GCN1: variants seen among roughly 807,000 people sequenced by gnomAD.
GCN1 encodes the protein stalled ribosome sensor GCN1.
A neutral mutation model predicts 288.4 loss-of-function variants in GCN1; 90 were observed. The ratio of observed to expected loss-of-function variants is 0.31; its 90% confidence interval spans 0.26 to 0.37. GCN1 has a LOEUF of 0.37. Ranked by LOEUF, GCN1 falls within the 10% of genes least tolerant of loss-of-function variation. The pLI is 1.00. For synonymous variants in GCN1, 1,386 were observed against 1,420.2 expected (o/e 0.98, Z 0.54); for missense variants, 2,586 against 3,419.9 (o/e 0.76, Z 6.08).
intron 15 of GCN1, 102 bp from the exon 16 acceptor site, chr12:120,168,402 C>T: frequency 1.3e-6 from 1 of 760,898 alleles, no homozygotes; most frequent in East Asian, 2.5e-5. Flanking sequence ...CTGACAAACC[C>T]TCCTCTGCAG....
In GCN1 at chr12:120,134,792, G is replaced by A; in HGVS notation, c.7009-66C>T. On this transcript the variant is annotated intron_variant, in intron 51 of 57. Coordinates refer to ENST00000300648, the MANE Select transcript of GCN1 (RefSeq NM_006836.2). The surrounding 1 kb of genome is among the most constrained non-coding windows in gnomAD (Gnocchi z 5.0). ...GACCCAAAGCCACAGTGTACCACAG[G>A]CATGAGAACAAATGACAATCCCAAA... is the stretch of plus-strand genomic sequence containing the variant. 7.4e-7 allele frequency: 1 copy of A among 1,356,100 alleles called. No homozygotes were observed. The highest frequency in any genetic ancestry group is 1.0e-6 in the Non-Finnish European group (1 of 953,004). 84.0% of individuals were successfully genotyped at this position (1,356,100 alleles called of 1,614,324 possible).
chr12:120,177,750 G>T lies in GCN1; in HGVS notation c.663C>A (p.Ser221Arg). 6.2e-7 allele frequency: 1 copy of T among 1,608,352 alleles called. No homozygotes were observed. Among genetic ancestry groups the T allele is most frequent in the South Asian group, 1.1e-5 (1 of 90,958 alleles). The part of the protein sequence containing the change: ...KEMDVVSQHK[S>R]ALLDFYMKNI... Reference sequence around the variant, plus strand: ...TCTTCATGTAAAAGTCCAGTAGGGCGCTCTAGAGAACACAAAGCTCTGGTT... The same window carrying T: ...TCTTCATGTAAAAGTCCAGTAGGGCTCTCTAGAGAACACAAAGCTCTGGTT... The change falls in exon 8 of 58, where the codon AGC becomes AGA. Residue 221 changes from serine to arginine, a missense_variant and splice_region_variant. Transcript: ENST00000300648.
At chr12:120,182,271 G>C (rs1293128020) in intron 5 of GCN1, among the ~76,000 whole-genome samples, 2 of 152,068 alleles carry the variant, frequency 1.3e-5, no homozygotes, top group Non-Finnish European at 2.9e-5. Context: ...GCAAATCCAA[G>C]AGAGTCCCAG....
chr12:120,175,340 G>C (rs1014748325), intron 11 of GCN1, 128 bp from the exon 12 acceptor site: 2 of 910,622 alleles, frequency 2.2e-6, no homozygotes, highest in African/African-American at 3.3e-5. Flanking sequence ...GTGTTGTGAA[G>C]CTGGGTTTAA....
intron 15 of GCN1, among the ~76,000 whole-genome samples, chr12:120,169,724 G>A (rs1055647885): frequency 6.6e-6 from 1 of 152,142 alleles, no homozygotes; most frequent in Non-Finnish European, 1.5e-5. Flanking sequence ...GAATGGTCTC[G>A]AAATCTTGAC....
rs775681296 is a variant in GCN1, at chr12:120,164,381, C to A, written c.1803G>T (p.Ala601=). 11 of 1,614,188 alleles carry A rather than the reference C, an allele frequency of 6.8e-6. No individual in the cohort carries two copies. The South Asian group carries it at 7.7e-5, about 11-fold the overall frequency. Residue 601 remains alanine, a synonymous_variant, in exon 18 of 58, where the codon GCG becomes GCT. Transcript: ENST00000300648. The part of the protein sequence containing the change: ...LLSSLGGFKL[A]HGLLEELKTV... The stretch of plus-strand genomic sequence containing the variant: ...TCTTCAGCTCCTCCAAGAGTCCGTG[C>A]GCCAGCTTAAAGCCCCCAAGAGAGG...
At chr12:120,161,333 T>C (rs1252648725) in intron 22 of GCN1, among the ~76,000 whole-genome samples, 157 bp downstream of exon 22, 1 of 152,046 alleles carries the variant, frequency 6.6e-6, no homozygotes, top group Non-Finnish European at 1.5e-5. Flanking sequence ...GAAGGGAAAG[T>C]GTGCCAGTGC....
rs1877285542 is a variant in GCN1, at chr12:120,144,164, C to T, written c.5495+142G>A. On this transcript the variant is annotated intron_variant, in intron 42 of 57. Coordinates refer to ENST00000300648, the MANE Select transcript of GCN1 (RefSeq NM_006836.2). This position sits in a 1 kb window ranked among gnomAD's most constrained non-coding sequence, Gnocchi z 4.7. ...GCTAATTTTTTATTTTTTATAGAGA[C>T]AGGGTCTCACTATGTTGCCAGGGCT... The T allele has an allele frequency of 4.8e-6, 4 of 838,470 alleles. No individual in the cohort carries two copies. The highest frequency in any genetic ancestry group is 7.7e-6 in the Non-Finnish European group (4 of 520,354). The allele number at this position is 838,470 out of a possible 1,614,324, so 51.9% of individuals were successfully genotyped here.
At position 120,161,563 on chromosome 12, in the gene GCN1, T is replaced by A; in HGVS notation, c.2363A>T (p.Lys788Ile). The A allele has an allele frequency of 6.2e-7, 1 of 1,613,760 alleles. No individual in the cohort carries two copies. Among genetic ancestry groups the A allele is most frequent in the Non-Finnish European group, 8.5e-7 (1 of 1,179,632 alleles). Residue 788 changes from lysine (K) to isoleucine (I), a missense_variant, in exon 22 of 58, where the codon AAA becomes ATA. By Grantham distance (102) the Lys-to-Ile change is moderately radical. Around this residue, in one of 8 missense-constraint regions of GCN1, gnomAD observed 913 missense variants for 1,107.0 expected, o/e 0.82. Transcript: ENST00000300648. ...GTTCTCTCGCTTCATGTTGGCCTTT[T>A]TTATGCTGTCCTGCTGGGCACTGAA... Reference protein sequence around the residue: ...IIQSAQQDSIKKANMKRENKA... With the variant: ...IIQSAQQDSIIKANMKRENKA...
rs1359720755 is a variant in GCN1, at chr12:120,142,986, G to A, written c.5496-45C>T. On this transcript the variant is annotated intron_variant, in intron 42 of 57. Coordinates refer to ENST00000300648, the MANE Select transcript of GCN1 (RefSeq NM_006836.2). The surrounding 1 kb of genome is among the most constrained non-coding windows in gnomAD (Gnocchi z 4.9). ...CACAGTCACACAGCTGCAAGGAGTG[G>A]GCTCGGCACAACTGAGCACTGCACA... The A allele has an allele frequency of 8.4e-7, 1 of 1,188,946 alleles. No individual in the cohort carries two copies. Among genetic ancestry groups the A allele is most frequent in the Non-Finnish European group, 1.3e-6 (1 of 792,748 alleles). The allele number at this position is 1,188,946 out of a possible 1,614,324, so 73.6% of individuals were successfully genotyped here.
In GCN1 at chr12:120,155,481, G is replaced by C; in HGVS notation, c.3441-51C>G. On this transcript the variant is annotated intron_variant, in intron 29 of 57. Coordinates refer to ENST00000300648, the MANE Select transcript of GCN1 (RefSeq NM_006836.2). The surrounding 1 kb of genome is among the most constrained non-coding windows in gnomAD (Gnocchi z 4.9). Reference sequence around the variant, plus strand: ...GCTTAGACAAAGATCTGCAGCACTTGCCCTGCCAGCCCAGCCCTTCTTCCC... The same window carrying C: ...GCTTAGACAAAGATCTGCAGCACTTCCCCTGCCAGCCCAGCCCTTCTTCCC... 1 of 1,600,202 alleles carries C rather than the reference G, an allele frequency of 6.2e-7. No homozygotes were observed. The highest frequency in any genetic ancestry group is 8.6e-7 in the Non-Finnish European group (1 of 1,168,934).
At chr12:120,190,505 T>C in intron 1 of GCN1, 105 bp from the exon 2 acceptor site, 1 of 706,212 alleles carries the variant, frequency 1.4e-6, no homozygotes, top group South Asian at 1.6e-5. Flanking sequence ...TAACCTGGGG[T>C]TTCTCAACCT....
chr12:120,143,539 G>A (rs1877264357), intron 42 of GCN1, among the ~76,000 whole-genome samples: 1 of 149,380 alleles, frequency 6.7e-6, no homozygotes, highest in South Asian at 2.1e-4. Flanking sequence ...CCGAGATCAT[G>A]CCACTGCACT....
rs766745731 is a variant in GCN1, at chr12:120,129,262, C to T, written c.7890+14G>A. ...GCTCACAGCACATCCTGGTGAGGCC[C>T]CCCAGGCTCCCACCTGAAACACCTC... On this transcript the variant is annotated intron_variant, in intron 57 of 57. Transcript: ENST00000300648. The T allele has an allele frequency of 1.4e-5, 23 of 1,597,432 alleles. No individual in the cohort carries two copies. Among genetic ancestry groups the T allele is most frequent in the South Asian group, 3.3e-5 (3 of 90,780 alleles).
chr12:120,170,158 T>C lies in GCN1; in HGVS notation c.1519+11A>G, dbSNP rs376517289. On this transcript the variant is annotated intron_variant, in intron 15 of 57. Transcript: ENST00000300648. ...CTGTCTCTACCATCCTAGACACCTC[T>C]GGACTCATACCAGCCTGTGAGTCAG... 2.2e-5 allele frequency: 35 copies of C among 1,612,608 alleles called. No individual in the cohort carries two copies. The African/African-American group carries it at 3.6e-4, about 17-fold the overall frequency.
intron 12 of GCN1, among the ~76,000 whole-genome samples, chr12:120,174,615 C>A (rs767979834): frequency 6.6e-6 from 1 of 150,934 alleles, no homozygotes; most frequent in Non-Finnish European, 1.5e-5. Flanking sequence ...GTGGTGAAAC[C>A]CTGTCTCTAC....
In GCN1 at chr12:120,155,960, C is replaced by T. The variant is rs1459970902; in HGVS notation, c.3313-241G>A. ...AGACAGATAAAAACCTCAGAAAAAG[C>T]GTATTCCTTTTGTTCAAAAAAATTT... is the stretch of plus-strand genomic sequence containing the variant. On this transcript the variant is annotated intron_variant, in intron 28 of 57. Coordinates refer to ENST00000300648, the MANE Select transcript of GCN1 (RefSeq NM_006836.2). This position sits in a 1 kb window ranked among gnomAD's most constrained non-coding sequence, Gnocchi z 4.9. 6.6e-6 allele frequency among the ~76,000 whole-genome samples: 1 copy of T among 152,058 alleles called. No individual in the cohort carries two copies. The highest frequency in any genetic ancestry group is 1.9e-4 in the East Asian group (1 of 5,198).
At chr12:120,149,433 C>A (rs933852811) in intron 36 of GCN1, among the ~76,000 whole-genome samples, 173 bp downstream of exon 36, 6 of 152,136 alleles carry the variant, frequency 3.9e-5, no homozygotes, top group African/African-American at 1.2e-4. Context: ...AAGGTAAAGA[C>A]CAGCCTGGGT....
chr12:120,163,737 T>C (rs568201812), intron 18 of GCN1, among the ~76,000 whole-genome samples: 5 of 152,106 alleles, frequency 3.3e-5, no homozygotes, highest in African/African-American at 4.8e-5. Flanking sequence ...TTGAAACGCA[T>C]TGTTAAAAAA....
Sources: allele counts gnomAD v4.1 joint callset (sites outside exome capture counted in the v4.1 genomes callset), GRCh38; gene constraint gnomAD v4.1.1; regional missense constraint gnomAD v4.1.1; non-coding constraint Gnocchi (gnomAD v3.1); transcripts MANE v1.5; gene names NCBI Gene and HGNC (gene_info 2026-07-23, HGNC 2026-07-21).